ZNF469: variants seen among roughly 807,000 people sequenced by gnomAD.
The protein encoded by ZNF469 is zinc finger protein 469.
A neutral mutation model predicts 1.0 loss-of-function variants in ZNF469; 1 was observed. The ratio of observed to expected loss-of-function variants is 1.00; its 90% CI spans 0.35 to 4.73. The LOEUF (loss-of-function observed/expected upper bound fraction) is 4.73, where lower values mean the gene tolerates loss of function less well. Among genes scored for constraint, ZNF469 ranks in the 30% most tolerant of loss-of-function variants. The pLI is 0.16. For missense variants in ZNF469, 6,100 were observed against 5,356.3 expected (o/e 1.14, Z -4.33); for synonymous variants, 2,703 against 2,363.4 (o/e 1.14, Z -4.17).
chr16:88,123,055 T>C, the ZNF469 span, among the ~76,000 whole-genome samples: 1 of 152,192 alleles, frequency 6.6e-6, no homozygotes, highest in Admixed American at 6.5e-5. Context: ...TTTATTTATT[T>C]ATTTTTGCTA....
At chr16:88,390,276 C>T (rs540982288) in intron 1 of ZNF469, among the ~76,000 whole-genome samples, 1 of 152,170 alleles carries the variant, frequency 6.6e-6, no homozygotes, top group African/African-American at 2.4e-5. Context: ...TTCCCCAGTT[C>T]TGGATACACA....
At chr16:88,253,914 A>C in the ZNF469 span, among the ~76,000 whole-genome samples, 1 of 151,056 alleles carries the variant, frequency 6.6e-6, no homozygotes, top group South Asian at 2.1e-4. Flanking sequence ...TTTGATGTTC[A>C]GTTCCATGCC....
chr16:88,360,551 C>T, the ZNF469 span, among the ~76,000 whole-genome samples: 1 of 127,166 alleles, frequency 7.9e-6, no homozygotes, highest in African/African-American at 3.3e-5. Flanking sequence ...CAAAGGCAGT[C>T]CACCCCCAGA....
At chr16:88,239,746 G>C in the ZNF469 span, among the ~76,000 whole-genome samples, 1 of 102,094 alleles carries the variant, frequency 9.8e-6, no homozygotes. Context: ...TTTTTTAGTA[G>C]AGACAGGGTT....
chr16:88,218,328 G>A, the ZNF469 span, among the ~76,000 whole-genome samples: 1 of 118,234 alleles, frequency 8.5e-6, no homozygotes, highest in African/African-American at 3.2e-5. Flanking sequence ...GTTCATTGTA[G>A]ATTCTGGATA....
At chr16:88,383,999 C>G (rs1051114565) in intron 1 of ZNF469, among the ~76,000 whole-genome samples, 4 of 152,158 alleles carry the variant, frequency 2.6e-5, no homozygotes, top group Non-Finnish European at 4.4e-5. Context: ...GTCCCTGCAC[C>G]CTGGGCCGAG....
chr16:88,209,920 T>A, the ZNF469 span, among the ~76,000 whole-genome samples: 1 of 152,226 alleles, frequency 6.6e-6, no homozygotes, highest in Non-Finnish European at 1.5e-5. Context: ...TGTAAGAGTA[T>A]CTTCAGAGTA....
chr16:88,435,871 G>C lies in ZNF469; in HGVS notation c.8401G>C (p.Gly2801Arg), dbSNP rs555522972. The change falls in exon 3 of 3, where the codon GGT becomes CGT. Residue 2801 changes from glycine to arginine, a missense_variant. Transcript: ENST00000565624. ...EENTPPLGPL[G>R]FPETSSSPAD... ...GAACACGCCCCCCTTGGGCCCCCTG[G>C]GTTTTCCCGAGACTTCCAGCTCTCC... The C allele has an allele frequency of 6.5e-5, 100 of 1,550,230 alleles. No homozygotes were observed. The African/African-American group carries it at 1.2e-3, about 19-fold the overall frequency.
chr16:88,227,933 G>T, the ZNF469 span, among the ~76,000 whole-genome samples: 2 of 152,178 alleles, frequency 1.3e-5, no homozygotes, highest in African/African-American at 4.8e-5. Flanking sequence ...ACCCCGCCAG[G>T]CTCTGCCTCC....
In ZNF469 at chr16:88,428,038, A is replaced by T; in HGVS notation, c.568A>T (p.Ser190Cys). 2 of 1,549,940 alleles carry T rather than the reference A, an allele frequency of 1.3e-6. No homozygotes were observed. Among genetic ancestry groups the T allele is most frequent in the Non-Finnish European group, 1.7e-6 (2 of 1,146,852 alleles). ...FHRCFQEPPS[S>C]FTSTNYTSPS... ...CAGGTGCTTCCAGGAGCCACCCTCC[A>T]GCTTTACCTCCACCAACTATACCTC... Residue 190 changes from serine to cysteine, a missense_variant, in exon 3 of 3, where the codon AGC becomes TGC. Ser to Cys is a moderately radical substitution (Grantham distance 112). Coordinates refer to ENST00000565624, the MANE Select transcript of ZNF469 (RefSeq NM_001367624.2).
the ZNF469 span, among the ~76,000 whole-genome samples, chr16:88,289,442 TATGATG>T: frequency 6.6e-6 from 1 of 151,516 alleles, no homozygotes; most frequent in African/African-American, 2.4e-5. Flanking sequence ...GTGATGATGA[TATGATG>T]ATGATGATTA....
chr16:88,204,164 C>T, the ZNF469 span, among the ~76,000 whole-genome samples: 1 of 151,134 alleles, frequency 6.6e-6, no homozygotes, highest in South Asian at 2.1e-4. Flanking sequence ...CCGGAGGCGC[C>T]CCGTAACCCC....
intron 1 of ZNF469, among the ~76,000 whole-genome samples, chr16:88,421,706 A>C (rs561778383): frequency 1.3e-5 from 2 of 152,332 alleles, no homozygotes; most frequent in South Asian, 2.1e-4. Context: ...GTGTGGAGGC[A>C]GTGGGGTGGG....
the ZNF469 span, chr16:88,195,149 T>C: frequency 6.6e-6 from 1 of 152,194 alleles, no homozygotes; most frequent in Admixed American, 6.5e-5. Context: ...GTTCTCAGAA[T>C]ACAGCTGGCT....
rs754253956 is a variant in ZNF469 at position 88,433,560 on chromosome 16, C to G, written c.6090C>G (p.Thr2030=). The change falls in exon 3 of 3, where the codon ACC becomes ACG. Residue 2030 remains threonine, a synonymous_variant. Transcript: ENST00000565624. ...ASPKTALTGP[T]EGAVLLEKCK... ...CCAAAACAGCGCTGACCGGCCCCACCGAGGGTGCAGTCCTGCTAGAGAAAT... is the reference window on the plus strand; with the variant it reads ...CCAAAACAGCGCTGACCGGCCCCACGGAGGGTGCAGTCCTGCTAGAGAAAT... The G allele has an allele frequency of 2.6e-6, 4 of 1,550,376 alleles. No individual in the cohort carries two copies. The highest frequency in any genetic ancestry group is 1.7e-6 in the Non-Finnish European group (2 of 1,146,946).
chr16:88,291,652 C>T, the ZNF469 span, among the ~76,000 whole-genome samples: 6 of 152,176 alleles, frequency 3.9e-5, no homozygotes, highest in Non-Finnish European at 7.4e-5. Flanking sequence ...CCCATGCAGA[C>T]GCCCCCCTTC....
the ZNF469 span, among the ~76,000 whole-genome samples, chr16:88,143,802 T>G: frequency 1.3e-5 from 2 of 152,230 alleles, no homozygotes; most frequent in East Asian, 3.9e-4. Flanking sequence ...CCTGCCTGTG[T>G]CCTCCCAGGC....
the ZNF469 span, among the ~76,000 whole-genome samples, chr16:88,169,209 A>T: frequency 6.6e-6 from 1 of 152,144 alleles, no homozygotes; most frequent in Non-Finnish European, 1.5e-5. This position sits in a 1 kb window ranked among gnomAD's most constrained non-coding sequence, Gnocchi z 6.1. Flanking sequence ...GTACAGGAGG[A>T]TGTACCTGTT....
the ZNF469 span, among the ~76,000 whole-genome samples, chr16:88,323,914 A>ACCCC: frequency 4.1e-3 from 624 of 151,948 alleles, 1 homozygote; most frequent in African/African-American, 0.014. Context: ...CCACCATTTC[A>ACCCC]CCCCTCCCAG....
Sources: allele counts gnomAD v4.1 joint callset (sites outside exome capture counted in the v4.1 genomes callset), GRCh38; gene constraint gnomAD v4.1.1; non-coding constraint Gnocchi (gnomAD v3.1); transcripts MANE v1.5; gene names NCBI Gene and HGNC (gene_info 2026-07-23, HGNC 2026-07-21).